The following SLC15A5 variants were observed in gnomAD, a reference collection of about 807,000 sequenced individuals.
SLC15A5 encodes the protein Peptide/histidine transporter ENSP00000340402.
In SLC15A5, 58 loss-of-function variants were observed where a neutral mutation model predicts 56.1. The observed-to-expected ratio is 1.03, with a 90% CI of 0.84 to 1.29. The LOEUF is 1.29. SLC15A5 is among the 50% of genes most tolerant of loss of function. The pLI, the probability that SLC15A5 is intolerant of heterozygous loss-of-function variation, is 0.00. For synonymous variants in SLC15A5, 264 were observed against 250.5 expected (o/e 1.05, Z -0.51); for missense variants, 681 against 672.1 (o/e 1.01, Z -0.15).
chr12:16,201,645 T>C (rs1863957900), intron 7 of SLC15A5, among the ~76,000 whole-genome samples: 1 of 152,108 alleles, frequency 6.6e-6, no homozygotes, highest in Non-Finnish European at 1.5e-5. Flanking sequence ...GATGGTTTTA[T>C]AAGGGGCTCT....
intron 7 of SLC15A5, among the ~76,000 whole-genome samples, chr12:16,207,435 T>G (rs1864031631): frequency 8.1e-6 from 1 of 123,092 alleles, no homozygotes; most frequent in South Asian, 3.7e-4. Flanking sequence ...AAAATAAACT[T>G]TTACCCCAAA....
intron 5 of SLC15A5, among the ~76,000 whole-genome samples, chr12:16,227,916 C>A (rs1415006280): frequency 1.3e-5 from 2 of 152,106 alleles, no homozygotes; most frequent in African/African-American, 4.8e-5. Flanking sequence ...ACAATCAGGG[C>A]TTCCACTTCT....
chr12:16,215,410 T>C (rs532111272), intron 7 of SLC15A5, among the ~76,000 whole-genome samples: 73 of 152,236 alleles, frequency 4.8e-4, no homozygotes, highest in African/African-American at 1.6e-3. Context: ...AAATTTTGTT[T>C]TAGTAAATTT....
At position 16,272,613 on chromosome 12, in the gene SLC15A5, C is replaced by T. The variant is rs117008450; in HGVS notation, c.532G>A (p.Ala178Thr). Reference protein sequence around the residue: ...GVRAIVCPLGAFGLQEYGSQK... With the variant: ...GVRAIVCPLGTFGLQEYGSQK... The stretch of plus-strand genomic sequence containing the variant: ...GATCCATACTCCTGAAGGCCAAAAG[C>T]ACCCAGTGGACAGACGATGGCTCTT... The change falls in exon 2 of 9, where the codon GCT becomes ACT. Residue 178 changes from alanine (A) to threonine (T), a missense_variant. Transcript: ENST00000344941. 3,235 of 1,536,980 alleles carry T rather than the reference C, an allele frequency of 2.1e-3. 61 individuals carry two copies. The East Asian group carries it at 0.047, about 22-fold the overall frequency.
At chr12:16,207,045 C>T (rs1264366931) in intron 7 of SLC15A5, among the ~76,000 whole-genome samples, 1 of 152,106 alleles carries the variant, frequency 6.6e-6, no homozygotes, top group Non-Finnish European at 1.5e-5. Context: ...CCGATAATGC[C>T]ATTAGCTATG....
intron 5 of SLC15A5, among the ~76,000 whole-genome samples, chr12:16,236,853 C>T (rs911926976): frequency 6.6e-6 from 1 of 152,174 alleles, no homozygotes; most frequent in African/African-American, 2.4e-5. Context: ...GCCAAGCTAA[C>T]ATCAATACAT....
intron 8 of SLC15A5, among the ~76,000 whole-genome samples, chr12:16,191,351 C>T (rs2136236140): frequency 6.6e-6 from 1 of 152,096 alleles, no homozygotes. Context: ...CAGACCTCAT[C>T]CTACCTGTAT....
At chr12:16,263,312 C>T (rs1207264584) in intron 2 of SLC15A5, among the ~76,000 whole-genome samples, 1 of 152,094 alleles carries the variant, frequency 6.6e-6, no homozygotes, top group African/African-American at 2.4e-5. Flanking sequence ...TTGCCCCTGC[C>T]CTAGAGATTT....
chr12:16,245,561 T>A (rs1443651554), intron 3 of SLC15A5, among the ~76,000 whole-genome samples: 1 of 152,178 alleles, frequency 6.6e-6, no homozygotes, highest in East Asian at 1.9e-4. Flanking sequence ...TCCATTAGGA[T>A]TTCCTGATAC....
intron 5 of SLC15A5, among the ~76,000 whole-genome samples, chr12:16,238,894 G>T (rs1022625874): frequency 6.6e-6 from 1 of 152,076 alleles, no homozygotes; most frequent in Non-Finnish European, 1.5e-5. Flanking sequence ...CTACGTTCTG[G>T]GCACTGATGT....
intron 3 of SLC15A5, among the ~76,000 whole-genome samples, chr12:16,246,262 A>G (rs1427059612): frequency 2.0e-5 from 3 of 152,218 alleles, no homozygotes; most frequent in African/African-American, 7.2e-5. Context: ...GGCCAAGAAG[A>G]CAGAAGCCAC....
At chr12:16,210,145 C>T (rs1235854580) in intron 7 of SLC15A5, among the ~76,000 whole-genome samples, 1 of 152,138 alleles carries the variant, frequency 6.6e-6, no homozygotes, top group Non-Finnish European at 1.5e-5. Context: ...TATGTGCTCT[C>T]TACCAGAAAA....
At chr12:16,225,920 T>C (rs924421907) in intron 5 of SLC15A5, among the ~76,000 whole-genome samples, 15 of 152,298 alleles carry the variant, frequency 9.8e-5, no homozygotes, top group Middle Eastern at 3.4e-3. Context: ...AAGGGCTGAG[T>C]TGACTTCCTC....
intron 2 of SLC15A5, among the ~76,000 whole-genome samples, chr12:16,261,803 G>A (rs1799487): frequency 0.45 from 67,862 of 151,916 alleles, 15,366 homozygotes; most frequent in South Asian, 0.61. Flanking sequence ...GACTAATGAT[G>A]TTGAGCATCT....
At position 16,196,194 on chromosome 12, in the gene SLC15A5, A is replaced by G. The variant is rs931739235; in HGVS notation, c.1484-1741T>C. 1.3e-5 allele frequency among the ~76,000 whole-genome samples: 2 copies of G among 152,058 alleles called. No homozygotes were observed. The highest frequency in any genetic ancestry group is 2.9e-5 in the Non-Finnish European group (2 of 67,982). ...GGTATAAATAAGTATTACTATACCTATTTTGTGGTTCCACTTTACCATTTT... is the reference window on the plus strand; with the variant it reads ...GGTATAAATAAGTATTACTATACCTGTTTTGTGGTTCCACTTTACCATTTT... On this transcript the variant is annotated intron_variant, in intron 7 of 8. Transcript: ENST00000344941. This position sits in a 1 kb window ranked among gnomAD's most constrained non-coding sequence, Gnocchi z 4.0.
At chr12:16,249,437 T>C (rs923996371) in intron 3 of SLC15A5, among the ~76,000 whole-genome samples, 2 of 152,030 alleles carry the variant, frequency 1.3e-5, no homozygotes, top group Non-Finnish European at 2.9e-5. Flanking sequence ...TTAGAAATAG[T>C]AAACAAAACA....
At chr12:16,239,919 A>C in intron 4 of SLC15A5, 52 bp from the exon 5 acceptor site, 1 of 1,470,964 alleles carries the variant, frequency 6.8e-7, no homozygotes, top group Non-Finnish European at 9.1e-7. Flanking sequence ...TTAACTTTGA[A>C]GAAAGCATCG....
chr12:16,239,820 C>T lies in SLC15A5; in HGVS notation c.1023G>A (p.Leu341=), dbSNP rs1385995699. Residue 341 remains leucine, a synonymous_variant, in exon 5 of 9, where the codon TTG becomes TTA. Coordinates refer to ENST00000344941, the MANE Select transcript of SLC15A5 (RefSeq NM_001170798.1). ...YLQTMNSNLN[L]DGFLLPIAVM... ...CTGCAATCGGCAGAAGAAATCCATC[C>T]AAATTCAGGTTGGAATTCATAGTTT... 6.5e-7 allele frequency: 1 copy of T among 1,537,152 alleles called. No individual in the cohort carries two copies.
At chr12:16,249,642 T>A (rs558457001) in intron 3 of SLC15A5, among the ~76,000 whole-genome samples, 48 of 152,218 alleles carry the variant, frequency 3.2e-4, no homozygotes, top group African/African-American at 1.0e-3. Context: ...GTAAACAGAG[T>A]TTATTACATA....
Sources: gnomAD v4.1 joint callset for allele counts (sites outside exome capture counted in the v4.1 genomes callset) on GRCh38, gnomAD v4.1.1 for gene constraint, Gnocchi (gnomAD v3.1) non-coding constraint, MANE v1.5 for transcripts, NCBI Gene and HGNC (gene_info 2026-07-23, HGNC 2026-07-21) for gene names.